The following POLL variants were observed in gnomAD, a reference collection of about 807,000 sequenced individuals.
POLL encodes DNA polymerase lambda.
Under a neutral mutation model 58.1 loss-of-function variants are expected in POLL, and 44 were observed. That is an observed-to-expected ratio of 0.76 (90% CI 0.60 to 0.97). POLL has a LOEUF of 0.97. Among genes scored for constraint, POLL ranks in the 50% least tolerant of loss-of-function variants. The pLI, the probability that POLL is intolerant of heterozygous loss-of-function variation, is 0.00. For missense variants in POLL, 632 were observed against 736.8 expected, an observed-to-expected ratio of 0.86 and a Z score of 1.65; for synonymous variants, 290 against 283.2, an observed-to-expected ratio of 1.02 and a Z score of -0.24.
At position 101,579,942 on chromosome 10, in the gene POLL, T is replaced by C; in HGVS notation, c.1364-125A>G. ...GTATTAGCTGGGTGACACTACCCTC[T>C]CTGGGCCCTTCTCCTTTTCTGTAAA... On this transcript the variant is annotated intron_variant, in intron 8 of 8. Coordinates refer to ENST00000370162, the MANE Select transcript of POLL (RefSeq NM_001174084.2). This position sits in a 1 kb window ranked among gnomAD's most constrained non-coding sequence, Gnocchi z 4.4. The C allele has an allele frequency of 2.0e-6, 2 of 1,005,628 alleles. No homozygotes were observed. The highest frequency in any genetic ancestry group is 2.9e-6 in the Non-Finnish European group (2 of 696,282). The allele number at this position is 1,005,628 out of a possible 1,614,324, so 62.3% of individuals were successfully genotyped here.
In POLL at chr10:101,580,270, G is replaced by A; in HGVS notation, c.1341C>T (p.Leu447=). Residue 447 remains leucine (L), a synonymous_variant, in exon 8 of 9, where the codon CTC becomes CTT. Coordinates refer to ENST00000370162, the MANE Select transcript of POLL (RefSeq NM_001174084.2). This position sits in a 1 kb window ranked among gnomAD's most constrained non-coding sequence, Gnocchi z 4.1. ...GRSHRGIFSR[L]LDSLRQEGFL... ...TACCTTCCTGCCGAAGACTGTCAAG[G>A]AGGCGGCTGAAGATACCCCGGTGGG... The A allele has an allele frequency of 6.2e-7, 1 of 1,613,924 alleles. No homozygotes were observed. Among genetic ancestry groups the A allele is most frequent in the Non-Finnish European group, 8.5e-7 (1 of 1,179,978 alleles).
chr10:101,583,087 C>T (rs1442483614), intron 6 of POLL, 196 bp from the exon 7 acceptor site: 2 of 666,252 alleles, frequency 3.0e-6, no homozygotes, highest in East Asian at 2.7e-5. Context: ...CATCATCCAG[C>T]CCTGCCACTA....
At chr10:101,587,003 G>T in intron 2 of POLL, 1 of 643,056 alleles carries the variant, frequency 1.6e-6, no homozygotes, top group Non-Finnish European at 2.7e-6. Context: ...GTCATTCCCT[G>T]AGGGCCCAGG....
In POLL at chr10:101,580,343, G is replaced by T. The variant is rs142388822; in HGVS notation, c.1268C>A (p.Ala423Glu). 1 of 1,613,894 alleles carries T rather than the reference G, an allele frequency of 6.2e-7. No homozygotes were observed. The highest frequency in any genetic ancestry group is 1.3e-5 in the African/African-American group (1 of 74,924). The stretch of plus-strand genomic sequence containing the variant: ...GAGCACGTCGACATCACCACAGGTC[G>T]CCTTTCCCCGTCGGTATGAACCACA... Reference protein sequence around the residue: ...VACGSYRRGKATCGDVDVLIT... With the variant: ...VACGSYRRGKETCGDVDVLIT... Residue 423 changes from alanine to glutamate, a missense_variant, in exon 8 of 9, where the codon GCG becomes GAG. Ala to Glu is a moderately radical substitution (Grantham distance 107). Coordinates refer to ENST00000370162, the MANE Select transcript of POLL (RefSeq NM_001174084.2). This position sits in a 1 kb window ranked among gnomAD's most constrained non-coding sequence, Gnocchi z 4.1.
At chr10:101,587,544 A>C in intron 1 of POLL, 138 bp from the exon 2 acceptor site, 1 of 1,459,644 alleles carries the variant, frequency 6.9e-7, no homozygotes, top group Non-Finnish European at 9.1e-7. Flanking sequence ...AACCCGGTTA[A>C]ACTTCAGTGG....
chr10:101,583,450 T>C, intron 6 of POLL, 58 bp downstream of exon 6: 1 of 1,578,786 alleles, frequency 6.3e-7, no homozygotes, highest in South Asian at 1.1e-5. Context: ...AGCACACATC[T>C]GGGGCAGGAA....
Position 101,579,232 on chromosome 10 carries a change from C to G in POLL, c.*221G>C. ...AGTGGTGAGGTAGAAGGGGTGGCAGCCTGCTCCTGTCTGGGAGAGGGCTGG... is the reference window on the plus strand; with the variant it reads ...AGTGGTGAGGTAGAAGGGGTGGCAGGCTGCTCCTGTCTGGGAGAGGGCTGG... On this transcript the variant is annotated 3_prime_UTR_variant, in exon 9 of 9. Transcript: ENST00000370162. This position sits in a 1 kb window ranked among gnomAD's most constrained non-coding sequence, Gnocchi z 4.4. The G allele has an allele frequency of 1.7e-6, 1 of 578,732 alleles. No individual in the cohort carries two copies. The highest frequency in any genetic ancestry group is 2.3e-5 in the South Asian group (1 of 44,150). The allele number at this position is 578,732 out of a possible 1,614,324, so 35.8% of individuals were successfully genotyped here.
chr10:101,585,170 T>A, intron 4 of POLL, 146 bp downstream of exon 4: 3 of 658,106 alleles, frequency 4.6e-6, no homozygotes, highest in Non-Finnish European at 7.5e-6. Flanking sequence ...GCAGCAGTGA[T>A]GAGTGTTGGG....
rs1411722360 is a variant in POLL, at chr10:101,588,073, G to C, written c.-298C>G. On this transcript the variant is annotated 5_prime_UTR_variant, in exon 1 of 9. Transcript: ENST00000370162. Reference sequence around the variant, plus strand: ...GGCGCAGGCCAGGGAATCCCAGCTCGGGGCTAGAAGAAAGCTGGAGTGCCC... The same window carrying C: ...GGCGCAGGCCAGGGAATCCCAGCTCCGGGCTAGAAGAAAGCTGGAGTGCCC... 2.0e-6 allele frequency: 3 copies of C among 1,469,254 alleles called. No homozygotes were observed. Among genetic ancestry groups the C allele is most frequent in the African/African-American group, 2.8e-5 (2 of 71,468 alleles). 91.0% of individuals were successfully genotyped at this position (1,469,254 alleles called of 1,614,324 possible). A position where few individuals can be genotyped will look rare whatever the true frequency, so the allele number is the denominator to read the frequency against.
rs937034875 is a variant in POLL at position 101,587,917 on chromosome 10, G to T, written c.-142C>A. On this transcript the variant is annotated 5_prime_UTR_variant, in exon 1 of 9. Transcript: ENST00000370162. ...GGTCTCAGCCTCTCGACATGGGGGT[G>T]CTCAGCGCCGCAGCTGCGGGGAGAT... 8.2e-7 allele frequency: 1 copy of T among 1,220,632 alleles called. No individual in the cohort carries two copies. Among genetic ancestry groups the T allele is most frequent in the African/African-American group, 1.6e-5 (1 of 64,024 alleles). The allele number at this position is 1,220,632 out of a possible 1,614,324, so 75.6% of individuals were successfully genotyped here. A position where few individuals can be genotyped will look rare whatever the true frequency, so the allele number is the denominator to read the frequency against.
chr10:101,588,107 C>G lies in POLL; in HGVS notation c.-332G>C, dbSNP rs1338450922. 6.6e-7 allele frequency: 1 copy of G among 1,509,578 alleles called. No homozygotes were observed. The allele number at this position is 1,509,578 out of a possible 1,614,324, so 93.5% of individuals were successfully genotyped here. ...AGAAAGCTGGAGTGCCCGACCCCGG[C>G]CCCAAGAGTCTCTCCAACCCCCAGA... is the stretch of plus-strand genomic sequence containing the variant. On this transcript the variant is annotated 5_prime_UTR_variant, in exon 1 of 9. Transcript: ENST00000370162.
At position 101,579,823 on chromosome 10, in the gene POLL, C is replaced by T; in HGVS notation, c.1364-6G>A. ...CAAGTCATCTGTGAGGAACCCTGGCCCAACAGAGGGGACTGCTGGGAGGGC... is the reference window on the plus strand; with the variant it reads ...CAAGTCATCTGTGAGGAACCCTGGCTCAACAGAGGGGACTGCTGGGAGGGC... On this transcript the variant is annotated splice_region_variant and splice_polypyrimidine_tract_variant and intron_variant, in intron 8 of 8. Transcript: ENST00000370162. The surrounding 1 kb of genome is among the most constrained non-coding windows in gnomAD (Gnocchi z 4.4). 4 of 1,609,068 alleles carry T rather than the reference C, an allele frequency of 2.5e-6. No homozygotes were observed. Among genetic ancestry groups the T allele is most frequent in the Non-Finnish European group, 3.4e-6 (4 of 1,177,304 alleles).
At position 101,582,860 on chromosome 10, in the gene POLL, T is replaced by C; in HGVS notation, c.1097A>G (p.Gln366Arg). ...GGCCTGCTGGGTTGTCAGGGAGGCC[T>C]GGCTGCGGATGTCTTCCAGACTTCG... is the stretch of plus-strand genomic sequence containing the variant. ...GFRSLEDIRS[Q>R]ASLTTQQAIG... The change falls in exon 7 of 9, where the codon CAG (glutamine) becomes CGG (arginine). Residue 366 changes from glutamine (Q) to arginine (R), a missense_variant. Gln to Arg is a conservative substitution (Grantham distance 43). Coordinates refer to ENST00000370162, the MANE Select transcript of POLL (RefSeq NM_001174084.2). The C allele has an allele frequency of 6.2e-7, 1 of 1,614,236 alleles. No homozygotes were observed. Among genetic ancestry groups the C allele is most frequent in the Non-Finnish European group, 8.5e-7 (1 of 1,180,036 alleles).
intron 6 of POLL, chr10:101,583,186 G>A (rs1037358358): frequency 1.5e-5 from 9 of 599,748 alleles, no homozygotes; most frequent in Non-Finnish European, 1.2e-5. Context: ...ATTGTGGGCA[G>A]AGCCAGGATT....
rs61757734 is a variant in POLL, at chr10:101,586,103, G to A, written c.169C>T (p.Arg57Trp). The change falls in exon 3 of 9, where the codon CGG becomes TGG. Residue 57 changes from arginine (R) to tryptophan (W), a missense_variant. Coordinates refer to ENST00000370162, the MANE Select transcript of POLL (RefSeq NM_001174084.2). ...ATCTGCTTCTCAAAGAGTTCTGCCC[G>A]GGCTCGTCCAATGCCAGTGCGCACA... ...HVVRTGIGRA[R>W]AELFEKQIVQ... 1,810 of 1,613,738 alleles carry A rather than the reference G, an allele frequency of 1.1e-3. 6 individuals are homozygous for A. The highest frequency in any genetic ancestry group is 2.1e-3 in the South Asian group (195 of 91,074).
intron 2 of POLL, 189 bp downstream of exon 2, chr10:101,587,057 T>C: frequency 8.2e-7 from 1 of 1,222,648 alleles, no homozygotes; most frequent in South Asian, 1.2e-5. Context: ...GAAAAGAAGG[T>C]AACACAGCAA....
rs146361439 is a variant in POLL, at chr10:101,580,360, T to G, written c.1251A>C (p.Ser417=). The change falls in exon 8 of 9, where the codon TCA becomes TCC. Residue 417 remains serine, a synonymous_variant. Transcript: ENST00000370162. The surrounding 1 kb of genome is among the most constrained non-coding windows in gnomAD (Gnocchi z 4.1). ...CACAGGTCGCCTTTCCCCGTCGGTATGAACCACATGCCACACACAGCAGCC... is the reference window on the plus strand; with the variant it reads ...CACAGGTCGCCTTTCCCCGTCGGTAGGAACCACATGCCACACACAGCAGCC... ...NSGLLCVACG[S]YRRGKATCGD... is the part of the protein sequence containing the mutation. 440 of 1,614,044 alleles carry G rather than the reference T, an allele frequency of 2.7e-4. No individual in the cohort carries two copies. In the African/African-American group the frequency reaches 5.0e-3, roughly 18 times the overall value.
rs765794882 is a variant in POLL, at chr10:101,585,373, GGGA to G, written c.513_515del (p.Pro172del). On this transcript the variant is annotated inframe_deletion, in exon 4 of 9. Coordinates refer to ENST00000370162, the MANE Select transcript of POLL (RefSeq NM_001174084.2). ...TTTGGGGAGGAGACACAGGCCTGGT[GGGA>G]GGAGGAGGAGGAGAAAGGGCTGTCT... 330 of 1,603,044 alleles carry G rather than the reference GGGA, an allele frequency of 2.1e-4. No individual in the cohort carries two copies. Among genetic ancestry groups the G allele is most frequent in the South Asian group, 4.6e-4 (41 of 89,310 alleles).
intron 7 of POLL, chr10:101,581,027 G>C (rs1004053765): frequency 6.6e-6 from 1 of 152,274 alleles, no homozygotes. Flanking sequence ...TCTTGGTGGG[G>C]AGGGAGCTGA....
Sources: allele counts gnomAD v4.1 joint callset, GRCh38; gene constraint gnomAD v4.1.1; non-coding constraint Gnocchi (gnomAD v3.1); transcripts MANE v1.5; gene names NCBI Gene and HGNC (gene_info 2026-07-23, HGNC 2026-07-21).